The following DDX23 variants were observed in gnomAD, a reference collection of about 807,000 sequenced individuals.
DDX23 encodes the protein probable ATP-dependent RNA helicase DDX23.
Under a neutral mutation model 102.7 loss-of-function variants are expected in DDX23, and 33 were observed. The observed-to-expected ratio is 0.32, with a 90% CI of 0.24 to 0.43. The LOEUF is 0.43. Among genes scored for constraint, DDX23 ranks in the 20% least tolerant of loss-of-function variants. DDX23 has a pLI of 1.00. For synonymous variants in DDX23, 352 were observed against 376.0 expected, an observed-to-expected ratio of 0.94 and a Z score of 0.74; for missense variants, 549 against 1,086.6, an observed-to-expected ratio of 0.51 and a Z score of 6.96.
rs150992004 is a variant in DDX23 at position 48,832,766 on chromosome 12, C to T, written c.1804-193G>A. On this transcript the variant is annotated intron_variant, in intron 13 of 16. Transcript: ENST00000308025. This position sits in a 1 kb window ranked among gnomAD's most constrained non-coding sequence, Gnocchi z 4.4. ...AGTACCTGCTCATCAAGGCACTTTC[C>T]ATCTTATGATGACAGGAAGGATTGA... is the stretch of plus-strand genomic sequence containing the variant. 90 of 671,102 alleles carry T rather than the reference C, an allele frequency of 1.3e-4. No individual in the cohort carries two copies. The African/African-American group carries it at 1.5e-3, about 11-fold the overall frequency. The allele number at this position is 671,102 out of a possible 1,614,324, so 41.6% of individuals were successfully genotyped here.
rs995578011 is a variant in DDX23 at position 48,832,814 on chromosome 12, T to A, written c.1804-241A>T. ...TGAGAGCATTTGCTAGCACCTGTGGTCCCGGTAGCAGCATGAGTCTTTGGA... is the reference window on the plus strand; with the variant it reads ...TGAGAGCATTTGCTAGCACCTGTGGACCCGGTAGCAGCATGAGTCTTTGGA... On this transcript the variant is annotated intron_variant, in intron 13 of 16. Coordinates refer to ENST00000308025, the MANE Select transcript of DDX23 (RefSeq NM_004818.3). The surrounding 1 kb of genome is among the most constrained non-coding windows in gnomAD (Gnocchi z 4.4). The A allele has an allele frequency of 3.6e-5, 20 of 557,774 alleles. No homozygotes were observed. The highest frequency in any genetic ancestry group is 5.9e-5 in the Non-Finnish European group (19 of 320,614). 34.6% of individuals were successfully genotyped at this position (557,774 alleles called of 1,614,324 possible).
chr12:48,838,080 G>A lies in DDX23; in HGVS notation c.481C>T (p.Pro161Ser). The A allele has an allele frequency of 6.2e-7, 1 of 1,614,120 alleles. No homozygotes were observed. The highest frequency in any genetic ancestry group is 1.7e-5 in the Admixed American group (1 of 60,012). ...CGTTCTGCTTTAGAGAGGAACTTGG[G>A]CTACAAAAGAGATTGGAACTGTCAA... ...KKAEEEAEAKPKFLSKAEREA... is the reference protein window; with the variant it reads ...KKAEEEAEAKSKFLSKAEREA... The change falls in exon 6 of 17, where the codon CCC becomes TCC. Residue 161 changes from proline (P) to serine (S), a missense_variant and splice_region_variant. Around this residue, in one of 4 missense-constraint regions of DDX23, gnomAD observed 241 missense variants for 267.0 expected, o/e 0.90. Coordinates refer to ENST00000308025, the MANE Select transcript of DDX23 (RefSeq NM_004818.3).
At chr12:48,831,081 G>C (rs1287503819) in intron 16 of DDX23, 61 bp downstream of exon 16, 1 of 1,589,232 alleles carries the variant, frequency 6.3e-7, no homozygotes, top group African/African-American at 1.3e-5. Flanking sequence ...CTGACTTCCA[G>C]TGGGACACCA....
intron 1 of DDX23, among the ~76,000 whole-genome samples, chr12:48,847,934 C>T (rs1276720136): frequency 6.6e-6 from 1 of 152,232 alleles, no homozygotes; most frequent in African/African-American, 2.4e-5. Flanking sequence ...AAATATTCAC[C>T]GAGCACCTAC....
Position 48,832,433 on chromosome 12 carries a change from C to T in DDX23, c.1944G>A (p.Glu648=). ...AGCTGCCCTCATACCTCTTTTCTGA[C>T]TCTGACATGAGGAAGACCTTCTGTT... ...RVEQKVFLMS[E]SEKRKKLLAI... The change falls in exon 14 of 17, where the codon GAG becomes GAA. Residue 648 remains glutamate (E), a synonymous_variant. Transcript: ENST00000308025. The surrounding 1 kb of genome is among the most constrained non-coding windows in gnomAD (Gnocchi z 4.4). 1 of 1,613,536 alleles carries T rather than the reference C, an allele frequency of 6.2e-7. No homozygotes were observed. The highest frequency in any genetic ancestry group is 8.5e-7 in the Non-Finnish European group (1 of 1,179,518).
In DDX23 at chr12:48,840,793, TACATCCACC is replaced by T. The variant is rs527807214; in HGVS notation, c.321-696_321-688del. On this transcript the variant is annotated intron_variant, in intron 3 of 16. Coordinates refer to ENST00000308025, the MANE Select transcript of DDX23 (RefSeq NM_004818.3). Reference sequence around the variant, plus strand: ...GTCTCGAACTCTTGACCTCAGGTGATACATCCACCTCGGCCACCCAAAGTGCTAGGATTA... The same window carrying T: ...GTCTCGAACTCTTGACCTCAGGTGATTCGGCCACCCAAAGTGCTAGGATTA... Among the ~76,000 whole-genome samples, 446 of 151,602 alleles carry T rather than the reference TACATCCACC, an allele frequency of 2.9e-3. 5 individuals carry two copies. The highest frequency in any genetic ancestry group is 9.4e-3 in the African/African-American group (391 of 41,430).
intron 1 of DDX23, among the ~76,000 whole-genome samples, chr12:48,848,411 A>G (rs1414314566): frequency 6.6e-6 from 1 of 152,202 alleles, no homozygotes; most frequent in African/African-American, 2.4e-5. Flanking sequence ...AAAATAAAAC[A>G]GTGATATGAT....
At chr12:48,833,138 C>T in intron 13 of DDX23, 139 bp downstream of exon 13, 1 of 1,298,114 alleles carries the variant, frequency 7.7e-7, no homozygotes, top group Non-Finnish European at 1.1e-6. Context: ...TGTGCACCAC[C>T]AATGCCCAGC....
At chr12:48,850,731 T>G (rs1938742967) in intron 1 of DDX23, among the ~76,000 whole-genome samples, 1 of 151,978 alleles carries the variant, frequency 6.6e-6, no homozygotes, top group Admixed American at 6.6e-5. Context: ...AAAAACATGT[T>G]TCAAGGAGGG....
In DDX23 at chr12:48,844,059, C is replaced by A. The variant is rs768732562; in HGVS notation, c.210-9G>T. The A allele has an allele frequency of 1.2e-6, 2 of 1,614,000 alleles. No individual in the cohort carries two copies. The highest frequency in any genetic ancestry group is 3.3e-5 in the Admixed American group (2 of 59,988). On this transcript the variant is annotated splice_polypyrimidine_tract_variant and intron_variant, in intron 2 of 16. Transcript: ENST00000308025. ...CTTTGTGCCGTCGTTCTCTGGAAGA[C>A]CGCAAATTTAAGAGTTCACTTGGTA...
chr12:48,835,486 G>T (rs2137483487), intron 11 of DDX23, among the ~76,000 whole-genome samples: 1 of 152,256 alleles, frequency 6.6e-6, no homozygotes, highest in East Asian at 1.9e-4. Flanking sequence ...GAGGCAGGCA[G>T]ATCACTTGAG....
chr12:48,843,250 CCCT>C (rs991343390), intron 3 of DDX23, among the ~76,000 whole-genome samples: 2 of 150,564 alleles, frequency 1.3e-5, no homozygotes, highest in African/African-American at 4.9e-5. Flanking sequence ...TGTCCTGTGA[CCCT>C]GCCAAATCCC....
At chr12:48,841,377 A>G (rs1007652250) in intron 3 of DDX23, among the ~76,000 whole-genome samples, 31 of 151,956 alleles carry the variant, frequency 2.0e-4, no homozygotes, top group Admixed American at 2.6e-4. Context: ...CAGAACAAAA[A>G]CTCCATCTCA....
In DDX23 at chr12:48,845,622, C is replaced by G. The variant is rs139040339; in HGVS notation, c.161G>C (p.Arg54Pro). The change falls in exon 2 of 17, where the codon CGA becomes CCA. Residue 54 changes from arginine (R) to proline (P), a missense_variant. Transcript: ENST00000308025. ...ACGAGAGCGAGAACGGCTGCCTCCTCGACGTCTATCCCTTGAACGATGCCG... is the reference window on the plus strand; with the variant it reads ...ACGAGAGCGAGAACGGCTGCCTCCTGGACGTCTATCCCTTGAACGATGCCG... The part of the protein sequence containing the change: ...RKRHRSRDRR[R>P]GGSRSRSRSR... The G allele has an allele frequency of 3.1e-6, 5 of 1,614,102 alleles. No homozygotes were observed. In the African/African-American group the frequency reaches 5.3e-5, roughly 17 times the overall value.
At chr12:48,843,552 T>C (rs567239538) in intron 3 of DDX23, among the ~76,000 whole-genome samples, 111 of 145,944 alleles carry the variant, frequency 7.6e-4, no homozygotes, top group African/African-American at 2.3e-3. Context: ...TCTTTCTTTT[T>C]TTTTTTTTTT....
At chr12:48,843,173 G>T (rs1170458687) in intron 3 of DDX23, among the ~76,000 whole-genome samples, 1 of 149,838 alleles carries the variant, frequency 6.7e-6, no homozygotes, top group African/African-American at 2.5e-5. Flanking sequence ...AAGGCCGCAG[G>T]GTCCTCTGCC....
chr12:48,844,111 G>C, intron 2 of DDX23, 61 bp from the exon 3 acceptor site: 2 of 1,514,762 alleles, frequency 1.3e-6, no homozygotes, highest in African/African-American at 1.4e-5. Flanking sequence ...CTTCACTGCA[G>C]CCCTGAGAAA....
In DDX23 at chr12:48,845,695, GCTCT is replaced by G; in HGVS notation, c.84_87del (p.Arg28SerfsTer146). ...GACTTCCGGTCCCGGTCTCTATCCC[GCTCT>G]CTGTCAGGAGTCCGTGATCGCTTCC... On this transcript the variant is annotated frameshift_variant, in exon 2 of 17. Coordinates refer to ENST00000308025, the MANE Select transcript of DDX23 (RefSeq NM_004818.3). LOFTEE classifies it high-confidence loss of function. 1 of 1,614,142 alleles carries G rather than the reference GCTCT, an allele frequency of 6.2e-7. No individual in the cohort carries two copies. The highest frequency in any genetic ancestry group is 8.5e-7 in the Non-Finnish European group (1 of 1,180,026).
At chr12:48,845,873 A>G (rs1333257050) in intron 1 of DDX23, 91 bp from the exon 2 acceptor site, 2 of 1,344,028 alleles carry the variant, frequency 1.5e-6, no homozygotes, top group Admixed American at 4.0e-5. Flanking sequence ...CAACCCTATG[A>G]GGTGGATATA....
Sources: allele counts gnomAD v4.1 joint callset (sites outside exome capture counted in the v4.1 genomes callset), GRCh38; gene constraint gnomAD v4.1.1; regional missense constraint gnomAD v4.1.1; non-coding constraint Gnocchi (gnomAD v3.1); transcripts MANE v1.5; gene names NCBI Gene and HGNC (gene_info 2026-07-23, HGNC 2026-07-21).